Variants in ASPH observed in about 807,000 individuals in gnomAD.
ASPH encodes the protein aspartyl/asparaginyl beta-hydroxylase.
In ASPH, 100 loss-of-function variants were observed where a neutral mutation model predicts 118.4. The observed-to-expected ratio is 0.84, with a 90% CI of 0.72 to 1.00. ASPH has a LOEUF of 1.00. Among genes scored for constraint, ASPH ranks in the 50% least tolerant of loss-of-function variants. ASPH has a pLI of 0.00. For synonymous variants in ASPH, 315 were observed against 325.6 expected (o/e 0.97, Z 0.35); for missense variants, 920 against 919.5 (o/e 1.00, Z -0.01).
rs1459721616 is a variant in ASPH, at chr8:61,501,817, T to A, written c.*1542A>T. ...TCTCCTTAAGGTCAAGCAAAAAGGG[T>A]CAATTTCAATTTCAAAGAGCTGTTC... is the stretch of plus-strand genomic sequence containing the variant. On this transcript the variant is annotated 3_prime_UTR_variant, in exon 25 of 25. Transcript: ENST00000379454. The A allele has an allele frequency of 6.6e-6, 1 of 152,156 alleles. No homozygotes were observed. Among genetic ancestry groups the A allele is most frequent in the Non-Finnish European group, 1.5e-5 (1 of 68,022 alleles). 9.4% of individuals were successfully genotyped at this position (152,156 alleles called of 1,614,324 possible). A position where few individuals can be genotyped will look rare whatever the true frequency, so the allele number is the denominator to read the frequency against.
At chr8:61,662,878 G>A in intron 3 of ASPH, 1 of 984,198 alleles carries the variant, frequency 1.0e-6, no homozygotes, top group Non-Finnish European at 1.2e-6. Flanking sequence ...TTGATGATTA[G>A]GTTATTCCAA....
rs7016408 is a variant in ASPH at position 61,651,159 on chromosome 8, G to T, written c.416-35C>A. 0.19 allele frequency: 300,911 copies of T among 1,564,946 alleles called. 30,606 individuals carry two copies. The highest frequency in any genetic ancestry group is 0.34 in the South Asian group (30,987 of 89,830). On this transcript the variant is annotated intron_variant, in intron 4 of 24. Transcript: ENST00000379454. The stretch of plus-strand genomic sequence containing the variant: ...TTGCAAAACATAGCTAAGTAGAAAA[G>T]CTCAAACATCAACATGGACCCCTAA...
At chr8:61,577,218 C>T (rs1009496974) in intron 15 of ASPH, among the ~76,000 whole-genome samples, 6 of 151,590 alleles carry the variant, frequency 4.0e-5, no homozygotes, top group African/African-American at 9.7e-5. Flanking sequence ...GGAGATATAC[C>T]TAATGTACAT....
At chr8:61,643,463 C>T (rs779387224) in intron 8 of ASPH, 30 bp from the exon 9 acceptor site, 2 of 1,593,030 alleles carry the variant, frequency 1.3e-6, no homozygotes, top group South Asian at 1.1e-5. Context: ...CTTTGCCAAA[C>T]AGGAAAAAAC....
chr8:61,685,240 C>T (rs1475271707), intron 1 of ASPH, among the ~76,000 whole-genome samples: 1 of 152,044 alleles, frequency 6.6e-6, no homozygotes, highest in Non-Finnish European at 1.5e-5. Flanking sequence ...CCTGGTTTCC[C>T]CTGGACTCAA....
At chr8:61,576,702 G>A (rs1281499184) in intron 16 of ASPH, 70 bp downstream of exon 16, 30 of 1,372,342 alleles carry the variant, frequency 2.2e-5, no homozygotes, top group Non-Finnish European at 2.8e-5. Context: ...ATAGTGAGGA[G>A]TAAAAAATTC....
At chr8:61,561,466 C>T (rs577526241) in intron 18 of ASPH, among the ~76,000 whole-genome samples, 1 of 152,264 alleles carries the variant, frequency 6.6e-6, no homozygotes, top group South Asian at 2.1e-4. Flanking sequence ...TCTGTTCTCT[C>T]AGAAAATATA....
intron 15 of ASPH, among the ~76,000 whole-genome samples, chr8:61,580,226 G>T (rs1409954851): frequency 3.3e-5 from 5 of 152,198 alleles, no homozygotes; most frequent in African/African-American, 7.2e-5. Flanking sequence ...GGGCCTGCAG[G>T]ATGGTGGCCG....
chr8:61,693,935 G>C (rs1445437999), intron 1 of ASPH, among the ~76,000 whole-genome samples: 1 of 152,150 alleles, frequency 6.6e-6, no homozygotes, highest in Non-Finnish European at 1.5e-5. Flanking sequence ...CCCCGCCACA[G>C]AGGCAAGGGC....
rs1818775331 is a variant in ASPH, at chr8:61,664,915, C to T, written c.323-11255G>A. On this transcript the variant is annotated intron_variant, in intron 3 of 24. Coordinates refer to ENST00000379454, the MANE Select transcript of ASPH (RefSeq NM_004318.4). ...TACAAGGCATTATGCACAGAAATAACATTTAAAATCTTAATATTCTTATTT... is the reference window on the plus strand; with the variant it reads ...TACAAGGCATTATGCACAGAAATAATATTTAAAATCTTAATATTCTTATTT... 3 of 1,041,650 alleles carry T rather than the reference C, an allele frequency of 2.9e-6. No homozygotes were observed. The East Asian group carries it at 2.4e-4, about 83-fold the overall frequency. 64.5% of individuals were successfully genotyped at this position (1,041,650 alleles called of 1,614,324 possible).
chr8:61,637,504 T>G (rs1334567333), intron 12 of ASPH, among the ~76,000 whole-genome samples: 2 of 152,144 alleles, frequency 1.3e-5, no homozygotes, highest in Admixed American at 6.5e-5. Context: ...TTTTTGTTTT[T>G]CAGAAACCAT....
At chr8:61,585,100 G>C (rs904455369) in intron 14 of ASPH, among the ~76,000 whole-genome samples, 1 of 152,188 alleles carries the variant, frequency 6.6e-6, no homozygotes, top group Non-Finnish European at 1.5e-5. Context: ...CTTAAAAGCA[G>C]GCTGAATCTG....
chr8:61,663,348 T>C (rs904762792), intron 3 of ASPH: 1 of 985,402 alleles, frequency 1.0e-6, no homozygotes, highest in South Asian at 4.7e-5. Context: ...TCACCAGGCC[T>C]AACCAGGCCA....
chr8:61,641,838 G>T (rs193197975), intron 10 of ASPH, among the ~76,000 whole-genome samples: 55 of 152,184 alleles, frequency 3.6e-4, no homozygotes. Flanking sequence ...ACTCAATTAC[G>T]ATGTATTTCT....
chr8:61,658,032 A>G (rs1293242331), intron 3 of ASPH: 1 of 152,224 alleles, frequency 6.6e-6, no homozygotes, highest in Non-Finnish European at 1.5e-5. Context: ...GTCTAGCAGT[A>G]TAAATCAATT....
At chr8:61,625,906 T>C in intron 13 of ASPH, 1 of 1,038,744 alleles carries the variant, frequency 9.6e-7, no homozygotes, top group Non-Finnish European at 1.2e-6. Context: ...ATGAAAACCC[T>C]GCCAACACAA....
intron 21 of ASPH, among the ~76,000 whole-genome samples, chr8:61,547,374 G>T (rs1824286928): frequency 6.6e-6 from 1 of 152,220 alleles, no homozygotes; most frequent in Non-Finnish European, 1.5e-5. Flanking sequence ...CAGGGCCAGT[G>T]GTTCTCAAAG....
At chr8:61,650,100 C>T (rs1355146621) in intron 5 of ASPH, among the ~76,000 whole-genome samples, 1 of 152,062 alleles carries the variant, frequency 6.6e-6, no homozygotes, top group East Asian at 1.9e-4. Flanking sequence ...GCACTTACCC[C>T]ATTATATTTA....
At chr8:61,503,867 A>G (rs548166259) in intron 24 of ASPH, among the ~76,000 whole-genome samples, 12 of 152,318 alleles carry the variant, frequency 7.9e-5, no homozygotes, top group South Asian at 6.2e-4. Flanking sequence ...AGGCATCTCT[A>G]TGCCTCTCAA....
Sources: gnomAD v4.1 joint callset for allele counts (sites outside exome capture counted in the v4.1 genomes callset) on GRCh38, gnomAD v4.1.1 for gene constraint, MANE v1.5 for transcripts, NCBI Gene and HGNC (gene_info 2026-07-23, HGNC 2026-07-21) for gene names.